RNF182: variants seen among roughly 807,000 people sequenced by gnomAD.
RNF182 encodes the protein E3 ubiquitin-protein ligase RNF182.
A neutral mutation model predicts 14.4 loss-of-function variants in RNF182; 15 were observed. The observed-to-expected ratio is 1.04, with a 90% confidence interval of 0.70 to 1.60. The LOEUF (loss-of-function observed/expected upper bound fraction) is 1.60. Among genes scored for constraint, RNF182 ranks in the 40% most tolerant of loss-of-function variants. The pLI is 0.00. For missense variants in RNF182, 268 were observed against 294.8 expected (o/e 0.91, Z 0.67); for synonymous variants, 128 against 122.9 (o/e 1.04, Z -0.27).
Position 13,979,721 on chromosome 6 carries a change from GAAATGTAACATTGAGT to G in RNF182, c.*1863_*1878del, listed in dbSNP as rs539430803. The G allele has an allele frequency of 2.0e-4, 34 of 167,012 alleles. No individual in the cohort carries two copies. The highest frequency in any genetic ancestry group is 7.7e-4 in the African/African-American group (32 of 41,534). The allele number at this position is 167,012 out of a possible 1,614,324, so 10.3% of individuals were successfully genotyped here. On this transcript the variant is annotated 3_prime_UTR_variant, in exon 3 of 3. Transcript: ENST00000488300. ...TTTTAAAAAAATGTTCGTTTTGTTTGAAATGTAACATTGAGTAAATTGGTGAGTTATATAATGAGAT... is the reference window on the plus strand; with the variant it reads ...TTTTAAAAAAATGTTCGTTTTGTTTGAAATTGGTGAGTTATATAATGAGAT...
rs200589489 is a variant in RNF182, at chr6:13,960,690, T to TGC, written c.-366-13519_-366-13518insCG. Among the ~76,000 whole-genome samples the TGC allele has an allele frequency of 2.0e-3, 242 of 120,512 alleles. 2 individuals are homozygous for TGC. The East Asian group carries it at 0.041, about 20-fold the overall frequency. The allele number at this position is 120,512 out of a possible 152,430, so 79.1% of individuals were successfully genotyped here. ...GTGTGTGTGTGTGTGTGTGTGTGTG[T>TGC]GTGCGCGCGTGCACATGCATGTGAT... On this transcript the variant is annotated intron_variant, in intron 1 of 2. Transcript: ENST00000488300.
chr6:13,935,870 C>T (rs1759096922), intron 1 of RNF182, among the ~76,000 whole-genome samples: 1 of 152,154 alleles, frequency 6.6e-6, no homozygotes, highest in South Asian at 2.1e-4. Context: ...TTAGTCCATT[C>T]TCACATTGCT....
Position 13,958,172 on chromosome 6 carries a change from G to A in RNF182, c.-366-16038G>A, listed in dbSNP as rs1008423954. Among the ~76,000 whole-genome samples the A allele has an allele frequency of 6.6e-5, 10 of 151,994 alleles. 1 individual carries two copies. The highest frequency in any genetic ancestry group is 6.6e-4 in the Admixed American group (10 of 15,256). ...GGAGGCCGAGGCAGGCAGATCACGA[G>A]GTCAAGAGATAGAGACCATCCTGTC... On this transcript the variant is annotated intron_variant, in intron 1 of 2. Coordinates refer to ENST00000488300, the MANE Select transcript of RNF182 (RefSeq NM_152737.4).
intron 1 of RNF182, among the ~76,000 whole-genome samples, chr6:13,931,062 G>T (rs1179014936): frequency 6.6e-6 from 1 of 152,182 alleles, no homozygotes; most frequent in Non-Finnish European, 1.5e-5. Context: ...GGTATGGCTG[G>T]CTGAGAAGGA....
chr6:13,934,541 A>G (rs1022024001), intron 1 of RNF182, among the ~76,000 whole-genome samples: 1 of 152,174 alleles, frequency 6.6e-6, no homozygotes, highest in African/African-American at 2.4e-5. Context: ...TGATTTGTTT[A>G]CAACAGTTGT....
intron 1 of RNF182, among the ~76,000 whole-genome samples, chr6:13,969,497 G>A (rs409463): frequency 0.4 from 61,172 of 151,908 alleles, 13,583 homozygotes; most frequent in Middle Eastern, 0.51. Context: ...ACACTACCCC[G>A]AAGAAGTGGG....
chr6:13,961,745 T>C (rs1198386488), intron 1 of RNF182, among the ~76,000 whole-genome samples: 1 of 152,156 alleles, frequency 6.6e-6, no homozygotes, highest in Non-Finnish European at 1.5e-5. Context: ...ATTATGACTC[T>C]CCATCAAATT....
At chr6:13,940,298 T>C (rs535535073) in intron 1 of RNF182, among the ~76,000 whole-genome samples, 18 of 152,356 alleles carry the variant, frequency 1.2e-4, no homozygotes, top group Middle Eastern at 6.8e-3. Flanking sequence ...GTCAATATGG[T>C]AATCACATTT....
chr6:13,947,578 G>C (rs1759471168), intron 1 of RNF182, among the ~76,000 whole-genome samples: 1 of 152,236 alleles, frequency 6.6e-6, no homozygotes, highest in South Asian at 2.1e-4. Flanking sequence ...CTTGAGACCA[G>C]TCATGGATTT....
At chr6:13,929,781 T>C (rs2113576155) in intron 1 of RNF182, among the ~76,000 whole-genome samples, 1 of 152,328 alleles carries the variant, frequency 6.6e-6, no homozygotes, top group African/African-American at 2.4e-5. Context: ...GCAAGCTTTA[T>C]TTTCTGTTTA....
At chr6:13,964,040 C>T (rs1292991066) in intron 1 of RNF182, among the ~76,000 whole-genome samples, 1 of 150,984 alleles carries the variant, frequency 6.6e-6, no homozygotes, top group African/African-American at 2.4e-5. Flanking sequence ...ACAGCAAAGA[C>T]TCAAGACAAT....
chr6:13,976,980 A>G lies in RNF182; in HGVS notation c.-140A>G, dbSNP rs1018859052. On this transcript the variant is annotated 5_prime_UTR_variant, in exon 3 of 3. Transcript: ENST00000488300. Reference sequence around the variant, plus strand: ...TGCAGAAGTTGAAAATGCCTGGAAGATTTCTGGTTTCTTTCACTACTTATC... The same window carrying G: ...TGCAGAAGTTGAAAATGCCTGGAAGGTTTCTGGTTTCTTTCACTACTTATC... 22 of 877,584 alleles carry G rather than the reference A, an allele frequency of 2.5e-5. No individual in the cohort carries two copies. The highest frequency in any genetic ancestry group is 3.4e-5 in the Non-Finnish European group (19 of 565,578). 54.4% of individuals were successfully genotyped at this position (877,584 alleles called of 1,614,324 possible).
intron 1 of RNF182, among the ~76,000 whole-genome samples, chr6:13,961,190 A>G (rs1367651172): frequency 6.6e-6 from 1 of 152,208 alleles, no homozygotes; most frequent in East Asian, 1.9e-4. Context: ...TATCTGCTCT[A>G]TCTATAGACA....
chr6:13,950,815 G>T (rs1231098664), intron 1 of RNF182, among the ~76,000 whole-genome samples: 2 of 151,060 alleles, frequency 1.3e-5, no homozygotes, highest in Non-Finnish European at 3.0e-5. Context: ...TATTTTTTTT[G>T]AGATAGAGTC....
chr6:13,971,300 A>G (rs1312617876), intron 1 of RNF182, among the ~76,000 whole-genome samples: 1 of 152,060 alleles, frequency 6.6e-6, no homozygotes, highest in Non-Finnish European at 1.5e-5. Flanking sequence ...TTCCCATTTT[A>G]CTTGGCATTC....
At chr6:13,934,857 C>T (rs540976414) in intron 1 of RNF182, among the ~76,000 whole-genome samples, 3 of 152,176 alleles carry the variant, frequency 2.0e-5, no homozygotes, top group East Asian at 1.9e-4. Context: ...ATTTGAGTGA[C>T]GAGAAGATTT....
intron 1 of RNF182, chr6:13,925,412 C>G (rs997875296): frequency 6.6e-6 from 1 of 152,042 alleles, no homozygotes; most frequent in African/African-American, 2.4e-5. Flanking sequence ...ATGGCATTCT[C>G]TTTGAGGAGG....
At chr6:13,934,045 G>C (rs538398366) in intron 1 of RNF182, among the ~76,000 whole-genome samples, 1 of 152,228 alleles carries the variant, frequency 6.6e-6, no homozygotes, top group South Asian at 2.1e-4. Flanking sequence ...TTAAAAAAAA[G>C]AAATGTGGCC....
chr6:13,955,461 G>A (rs1195277539), intron 1 of RNF182, among the ~76,000 whole-genome samples: 22 of 152,226 alleles, frequency 1.4e-4, no homozygotes, highest in Admixed American at 1.4e-3. Flanking sequence ...TGGTTTCAGA[G>A]TGGGTTATGT....
Sources: allele counts gnomAD v4.1 joint callset (sites outside exome capture counted in the v4.1 genomes callset), GRCh38; gene constraint gnomAD v4.1.1; transcripts MANE v1.5; gene names NCBI Gene and HGNC (gene_info 2026-07-23, HGNC 2026-07-21).